The following DTD1 variants were observed in gnomAD, a reference collection of about 807,000 sequenced individuals.
The protein encoded by DTD1 is D-aminoacyl-tRNA deacylase 1.
Under a neutral mutation model 25.6 loss-of-function variants are expected in DTD1, and 13 were observed. The observed-to-expected ratio is 0.51, with a 90% CI of 0.33 to 0.81. DTD1 has a LOEUF of 0.81. Among genes scored for constraint, DTD1 ranks in the 30% least tolerant of loss-of-function variants. DTD1 has a pLI of 0.02. For missense variants in DTD1, 193 were observed against 266.4 expected, an observed-to-expected ratio of 0.72 and a Z score of 1.92; for synonymous variants, 110 against 103.6, an observed-to-expected ratio of 1.06 and a Z score of -0.37.
chr20:18,656,878 A>G (rs1420802962), intron 4 of DTD1, among the ~76,000 whole-genome samples: 1 of 114,626 alleles, frequency 8.7e-6, no homozygotes, highest in African/African-American at 2.9e-5. Context: ...TTTAATGGCA[A>G]TATTCTTTTT....
intron 4 of DTD1, among the ~76,000 whole-genome samples, chr20:18,731,576 A>T (rs936660225): frequency 6.6e-6 from 1 of 152,108 alleles, no homozygotes; most frequent in Non-Finnish European, 1.5e-5. Context: ...CAATTTCTTT[A>T]TGTATTTTTT....
At chr20:18,759,314 G>A (rs1378087812) in intron 5 of DTD1, among the ~76,000 whole-genome samples, 2 of 152,194 alleles carry the variant, frequency 1.3e-5, no homozygotes, top group Non-Finnish European at 2.9e-5. Flanking sequence ...GTTAGTTGAT[G>A]CAGTTTCTTC....
intron 4 of DTD1, among the ~76,000 whole-genome samples, chr20:18,733,680 A>T (rs768122272): frequency 6.6e-6 from 1 of 152,238 alleles, no homozygotes; most frequent in African/African-American, 2.4e-5. Flanking sequence ...TTATTTTTGC[A>T]TACTTAAAAG....
chr20:18,625,933 A>G (rs1379856789), intron 3 of DTD1, among the ~76,000 whole-genome samples: 1 of 152,222 alleles, frequency 6.6e-6, no homozygotes, highest in Non-Finnish European at 1.5e-5. Flanking sequence ...CAGCCCATTC[A>G]TGGCCACACA....
intron 3 of DTD1, among the ~76,000 whole-genome samples, chr20:18,597,154 AGTGTGTGTGTGTGTGTGTGTGT>A (rs4052788): frequency 9.8e-5 from 14 of 143,460 alleles, no homozygotes; most frequent in Non-Finnish European, 1.5e-4. Flanking sequence ...GATGAGAGAA[AGTGTGTGTGTGTGTGTGTGTGT>A]GTGTGTGTGT....
At chr20:18,618,773 C>T (rs1421978331) in intron 3 of DTD1, among the ~76,000 whole-genome samples, 2 of 149,284 alleles carry the variant, frequency 1.3e-5, no homozygotes, top group Admixed American at 6.7e-5. Flanking sequence ...AATGTAATGG[C>T]GTCATCTTGG....
chr20:18,712,986 G>C (rs528367559), intron 4 of DTD1, among the ~76,000 whole-genome samples: 1 of 152,314 alleles, frequency 6.6e-6, no homozygotes, highest in African/African-American at 2.4e-5. Flanking sequence ...ATTTTAACCT[G>C]TTCTCTTTCC....
intron 4 of DTD1, among the ~76,000 whole-genome samples, chr20:18,739,809 G>A (rs1464801034): frequency 1.3e-5 from 2 of 152,078 alleles, no homozygotes; most frequent in Non-Finnish European, 2.9e-5. Context: ...GGCTGCATTG[G>A]ATTCCAAGTT....
chr20:18,741,767 G>T (rs6081346), intron 4 of DTD1, among the ~76,000 whole-genome samples: 4 of 151,912 alleles, frequency 2.6e-5, no homozygotes, highest in Middle Eastern at 3.4e-3. Context: ...CTGTCACCCA[G>T]GCTGGAGTGC....
At chr20:18,708,288 T>TA (rs1568676961) in intron 4 of DTD1, among the ~76,000 whole-genome samples, 3 of 31,334 alleles carry the variant, frequency 9.6e-5, no homozygotes, top group Non-Finnish European at 1.4e-4. Flanking sequence ...ATATATATTA[T>TA]ATATATATAA....
chr20:18,733,347 C>T (rs978327147), intron 4 of DTD1, among the ~76,000 whole-genome samples: 4 of 152,196 alleles, frequency 2.6e-5, no homozygotes, highest in Non-Finnish European at 5.9e-5. Flanking sequence ...GGCAGGTGCT[C>T]AGGTAGGAGG....
intron 3 of DTD1, among the ~76,000 whole-genome samples, chr20:18,609,682 A>G (rs1279676297): frequency 6.6e-6 from 1 of 151,984 alleles, no homozygotes; most frequent in Non-Finnish European, 1.5e-5. Context: ...TTCTCTTTCT[A>G]CTTGTAAAAA....
chr20:18,645,979 A>G (rs2060848844), intron 4 of DTD1, among the ~76,000 whole-genome samples: 1 of 152,150 alleles, frequency 6.6e-6, no homozygotes, highest in African/African-American at 2.4e-5. Context: ...CTTCCTAGAG[A>G]TGTAGAATGC....
intron 4 of DTD1, among the ~76,000 whole-genome samples, chr20:18,685,169 G>A (rs375703538): frequency 1.3e-5 from 2 of 152,166 alleles, no homozygotes; most frequent in East Asian, 1.9e-4. Context: ...GTTTACAAAT[G>A]TGAGCCATTG....
intron 4 of DTD1, among the ~76,000 whole-genome samples, chr20:18,739,680 A>G (rs2061269443): frequency 1.3e-5 from 2 of 152,120 alleles, no homozygotes; most frequent in Admixed American, 1.3e-4. Flanking sequence ...AAAGCTGTTG[A>G]CATTTTGCTT....
At chr20:18,715,916 G>A (rs766459589) in intron 4 of DTD1, among the ~76,000 whole-genome samples, 1 of 152,158 alleles carries the variant, frequency 6.6e-6, no homozygotes, top group Non-Finnish European at 1.5e-5. Flanking sequence ...GGAGTCTGTT[G>A]TTGGCACTGA....
chr20:18,683,007 G>C (rs563242736), intron 4 of DTD1, among the ~76,000 whole-genome samples: 5 of 152,330 alleles, frequency 3.3e-5, no homozygotes, highest in Non-Finnish European at 4.4e-5. Context: ...ACAGTTTACA[G>C]ATTAGGACAC....
At chr20:18,686,646 C>CTG (rs56350174) in intron 4 of DTD1, among the ~76,000 whole-genome samples, 33,860 of 148,902 alleles carry the variant, frequency 0.23, 3,725 homozygotes, top group East Asian at 0.33. Flanking sequence ...TATTTATTAG[C>CTG]TGTGTGTGTG....
At chr20:18,632,293 T>C (rs2060791619) in intron 4 of DTD1, 2 of 985,366 alleles carry the variant, frequency 2.0e-6, no homozygotes, top group Non-Finnish European at 2.4e-6. Flanking sequence ...ATACACAAAT[T>C]GTCTTGCATC....
Sources: gnomAD v4.1 joint callset for allele counts (sites outside exome capture counted in the v4.1 genomes callset) on GRCh38, gnomAD v4.1.1 for gene constraint, MANE v1.5 for transcripts, NCBI Gene and HGNC (gene_info 2026-07-23, HGNC 2026-07-21) for gene names.